LARP1: variants seen among roughly 807,000 people sequenced by gnomAD.
LARP1 encodes la-related protein 1.
A neutral mutation model predicts 122.7 loss-of-function variants in LARP1; 36 were observed. The ratio of observed to expected loss-of-function variants is 0.29; its 90% CI spans 0.22 to 0.39. The LOEUF is 0.39. Among genes scored for constraint, LARP1 ranks in the 10% least tolerant of loss-of-function variants. The pLI, the probability that LARP1 is intolerant of heterozygous loss-of-function variation, is 1.00. For missense variants in LARP1, 1,040 were observed against 1,403.6 expected (o/e 0.74, Z 4.14); for synonymous variants, 539 against 528.7 (o/e 1.02, Z -0.27).
At chr5:154,718,895 C>G (rs1312604672) in intron 1 of LARP1, among the ~76,000 whole-genome samples, 1 of 152,224 alleles carries the variant, frequency 6.6e-6, no homozygotes, top group Admixed American at 6.5e-5. Flanking sequence ...GCCAGCCAAT[C>G]TCCTTCTTAC....
At chr5:154,760,273 C>T (rs1465291852) in intron 1 of LARP1, among the ~76,000 whole-genome samples, 1 of 152,174 alleles carries the variant, frequency 6.6e-6, no homozygotes, top group African/African-American at 2.4e-5. Flanking sequence ...TGCTCATGAC[C>T]AGCAATGTGG....
Position 154,802,358 on chromosome 5 carries a change from C to T in LARP1, c.2068C>T (p.Leu690=), listed in dbSNP as rs2113834180. ...TGGCCTCTTCTACTATGAGCAGGAC[C>T]TGTGGGCTGAAAAGTTTGAACCTGA... ...NDGLFYYEQD[L]WAEKFEPEYS... Residue 690 remains leucine, a synonymous_variant, in exon 11 of 19, where the codon CTG becomes TTG. Transcript: ENST00000518297. The surrounding 1 kb of genome is among the most constrained non-coding windows in gnomAD (Gnocchi z 5.1). The T allele has an allele frequency of 6.2e-7, 1 of 1,612,110 alleles. No individual in the cohort carries two copies. The highest frequency in any genetic ancestry group is 2.2e-5 in the East Asian group (1 of 44,850).
In LARP1 at chr5:154,815,597, C is replaced by T. The variant is rs1759614764; in HGVS notation, c.*1501C>T. ...GTGGAGTCTCCCCATCTTGCATACC[C>T]TTCTGCAAGCCATCTATCTCTGCTC... On this transcript the variant is annotated 3_prime_UTR_variant, in exon 19 of 19. Transcript: ENST00000518297. 1 of 152,254 alleles carries T rather than the reference C, an allele frequency of 6.6e-6. No individual in the cohort carries two copies. Among genetic ancestry groups the T allele is most frequent in the Non-Finnish European group, 1.5e-5 (1 of 68,082 alleles). 9.4% of individuals were successfully genotyped at this position (152,254 alleles called of 1,614,324 possible).
chr5:154,803,526 C>A lies in LARP1; in HGVS notation c.2234-14C>A. On this transcript the variant is annotated splice_polypyrimidine_tract_variant and intron_variant, in intron 12 of 18. Transcript: ENST00000518297. The surrounding 1 kb of genome is among the most constrained non-coding windows in gnomAD (Gnocchi z 4.4). ...CCTTTCCCTGCTTCCTGACTCCTCTCTCTGCCTCTGCAGTTCCTACGGATG... is the reference window on the plus strand; with the variant it reads ...CCTTTCCCTGCTTCCTGACTCCTCTATCTGCCTCTGCAGTTCCTACGGATG... The A allele has an allele frequency of 1.2e-6, 2 of 1,614,188 alleles. No individual in the cohort carries two copies. The highest frequency in any genetic ancestry group is 1.7e-6 in the Non-Finnish European group (2 of 1,180,030).
intron 1 of LARP1, among the ~76,000 whole-genome samples, chr5:154,692,146 C>T (rs1754250328): frequency 6.6e-6 from 1 of 152,206 alleles, no homozygotes; most frequent in Non-Finnish European, 1.5e-5. Context: ...CCTGGAATAA[C>T]ACTGAAACCC....
intron 18 of LARP1, among the ~76,000 whole-genome samples, chr5:154,813,148 C>T (rs1018076548): frequency 5.3e-5 from 8 of 152,152 alleles, no homozygotes; most frequent in African/African-American, 1.9e-4. Flanking sequence ...GGCAGAGCCA[C>T]TCAGGTCTCT....
chr5:154,689,536 C>T (rs2113195751), intron 1 of LARP1, among the ~76,000 whole-genome samples: 1 of 150,978 alleles, frequency 6.6e-6, no homozygotes, highest in East Asian at 2.0e-4. Context: ...AGGAGACTCA[C>T]TTGAACCCAG....
intron 1 of LARP1, among the ~76,000 whole-genome samples, chr5:154,731,426 C>T (rs1328509987): frequency 6.6e-6 from 1 of 152,184 alleles, no homozygotes; most frequent in Non-Finnish European, 1.5e-5. Context: ...AACCGTATTG[C>T]TGTAGCCAGC....
chr5:154,786,145 C>A (rs1480034891), intron 1 of LARP1, among the ~76,000 whole-genome samples: 1 of 152,128 alleles, frequency 6.6e-6, no homozygotes, highest in African/African-American at 2.4e-5. Flanking sequence ...CGGGTTCAAG[C>A]GACTGTCCTG....
In LARP1 at chr5:154,716,544, G is replaced by T. The variant is rs570246619; in HGVS notation, c.205+3414G>T. On this transcript the variant is annotated intron_variant, in intron 1 of 18. Coordinates refer to the LARP1 transcript ENST00000336314. ...GCTCACTGCAACCTCCACATCCAGG[G>T]TTCAAGCGATCCTCCTGCCTCAGCC... Among the ~76,000 whole-genome samples the T allele has an allele frequency of 3.3e-5, 5 of 152,194 alleles. No homozygotes were observed. In the South Asian group the frequency reaches 1.0e-3, roughly 32 times the overall value.
chr5:154,732,621 C>A, intron 1 of LARP1, among the ~76,000 whole-genome samples: 1 of 152,130 alleles, frequency 6.6e-6, no homozygotes, highest in Admixed American at 6.5e-5. Flanking sequence ...TCTTTTCCAG[C>A]CCTGTGTTTG....
chr5:154,782,578 C>G (rs1398583807), intron 1 of LARP1, among the ~76,000 whole-genome samples: 3 of 152,166 alleles, frequency 2.0e-5, no homozygotes, highest in African/African-American at 7.2e-5. Context: ...ACCCTTGCTC[C>G]TCCTCCCGGG....
intron 1 of LARP1, among the ~76,000 whole-genome samples, chr5:154,788,974 G>A (rs1418587551): frequency 6.6e-6 from 1 of 152,096 alleles, no homozygotes; most frequent in Non-Finnish European, 1.5e-5. Context: ...CACTTTGGGA[G>A]GCTGAGGCAG....
chr5:154,766,734 C>T (rs1401349258), intron 1 of LARP1, among the ~76,000 whole-genome samples: 1 of 152,216 alleles, frequency 6.6e-6, no homozygotes, highest in Non-Finnish European at 1.5e-5. Context: ...TACAGCTATG[C>T]TGAGAACAGT....
chr5:154,773,268 TG>T lies in LARP1; in HGVS notation c.437-17056del, dbSNP rs563908014. Among the ~76,000 whole-genome samples the T allele has an allele frequency of 3.3e-5, 5 of 152,274 alleles. No homozygotes were observed. The South Asian group carries it at 1.0e-3, about 32-fold the overall frequency. Reference sequence around the variant, plus strand: ...TATGGCTAGGGGGGCAGGGATCCACTGTATTGTAAGCTATATATTTTTTCCA... The same window carrying T: ...TATGGCTAGGGGGGCAGGGATCCACTTATTGTAAGCTATATATTTTTTCCA... On this transcript the variant is annotated intron_variant, in intron 1 of 18. Coordinates refer to ENST00000518297, the MANE Select transcript of LARP1 (RefSeq NM_033551.3).
chr5:154,705,213 A>G (rs1434615657), intron 1 of LARP1, among the ~76,000 whole-genome samples: 1 of 152,150 alleles, frequency 6.6e-6, no homozygotes. Flanking sequence ...GCTCAACATC[A>G]CTAATCAGAG....
chr5:154,814,227 G>A lies in LARP1; in HGVS notation c.*131G>A. On this transcript the variant is annotated 3_prime_UTR_variant, in exon 19 of 19. Coordinates refer to ENST00000518297, the MANE Select transcript of LARP1 (RefSeq NM_033551.3). ...AGTTACTAGGACAGGCCTTTGTGCTGAGTAGCAATGTATACACCATTTGGG... is the reference window on the plus strand; with the variant it reads ...AGTTACTAGGACAGGCCTTTGTGCTAAGTAGCAATGTATACACCATTTGGG... 1 of 886,800 alleles carries A rather than the reference G, an allele frequency of 1.1e-6. No individual in the cohort carries two copies. The highest frequency in any genetic ancestry group is 1.8e-6 in the Non-Finnish European group (1 of 567,476). 54.9% of individuals were successfully genotyped at this position (886,800 alleles called of 1,614,324 possible). A position where few individuals can be genotyped will look rare whatever the true frequency, so the allele number is the denominator to read the frequency against.
At chr5:154,696,852 G>A (rs1754490488) in intron 1 of LARP1, among the ~76,000 whole-genome samples, 1 of 152,158 alleles carries the variant, frequency 6.6e-6, no homozygotes, top group Admixed American at 6.5e-5. Flanking sequence ...ATGATTTTGA[G>A]GGCTTCAATA....
upstream of LARP1, among the ~76,000 whole-genome samples, chr5:154,710,333 C>T (rs1433330569): frequency 6.6e-6 from 1 of 152,070 alleles, no homozygotes; most frequent in South Asian, 2.1e-4. Context: ...ACTGAGAGGC[C>T]AGGCACAGTG....
Sources: gnomAD v4.1 joint callset for allele counts (sites outside exome capture counted in the v4.1 genomes callset) on GRCh38, gnomAD v4.1.1 for gene constraint, Gnocchi (gnomAD v3.1) non-coding constraint, MANE v1.5 for transcripts, NCBI Gene and HGNC (gene_info 2026-07-23, HGNC 2026-07-21) for gene names.